The following HSD17B4 variants were observed in gnomAD, a reference collection of about 807,000 sequenced individuals.
The protein encoded by HSD17B4 is peroxisomal multifunctional enzyme type 2.
HSD17B4 carries 70 observed loss-of-function variants against 101.0 expected under a neutral mutation model. The observed-to-expected ratio is 0.69, with a 90% CI of 0.57 to 0.85. The LOEUF is 0.85. Ranked by LOEUF, HSD17B4 falls within the 40% of genes least tolerant of loss-of-function variation. The pLI is 0.00. For synonymous variants in HSD17B4, 347 were observed against 297.1 expected (o/e 1.17, Z -1.73); for missense variants, 984 against 892.4 (o/e 1.10, Z -1.31).
intron 17 of HSD17B4, among the ~76,000 whole-genome samples, chr5:119,516,187 T>C (rs1752599299): frequency 2.0e-5 from 3 of 152,200 alleles, no homozygotes; most frequent in African/African-American, 4.8e-5. Flanking sequence ...TTCTTGCTTT[T>C]AAATATTTTT....
At chr5:119,458,303 A>G (rs949331861) in intron 2 of HSD17B4, among the ~76,000 whole-genome samples, 3 of 151,534 alleles carry the variant, frequency 2.0e-5, no homozygotes, top group Non-Finnish European at 4.4e-5. Context: ...TTTTACATGT[A>G]CACCATAGAC....
At chr5:119,504,177 A>G (rs1363699464) in intron 14 of HSD17B4, among the ~76,000 whole-genome samples, 1 of 151,898 alleles carries the variant, frequency 6.6e-6, no homozygotes, top group Non-Finnish European at 1.5e-5. Context: ...TATCCATTTC[A>G]CCATTGATGG....
chr5:119,460,119 C>A (rs1482019952), intron 2 of HSD17B4, among the ~76,000 whole-genome samples: 1 of 151,464 alleles, frequency 6.6e-6, no homozygotes, highest in Non-Finnish European at 1.5e-5. Flanking sequence ...TCGTGATCCG[C>A]CCGCCTCGGC....
chr5:119,497,623 T>C (rs532441366), intron 12 of HSD17B4, among the ~76,000 whole-genome samples: 1 of 152,308 alleles, frequency 6.6e-6, no homozygotes, highest in South Asian at 2.1e-4. Flanking sequence ...TTTAAACCTC[T>C]ATGTTGAAAG....
At chr5:119,483,096 T>C (rs919410149) in intron 8 of HSD17B4, among the ~76,000 whole-genome samples, 1 of 152,038 alleles carries the variant, frequency 6.6e-6, no homozygotes, top group Non-Finnish European at 1.5e-5. Flanking sequence ...GTCCAAAGCA[T>C]GAGGGGATTT....
chr5:119,469,511 G>A (rs562942341), intron 2 of HSD17B4, among the ~76,000 whole-genome samples: 8 of 151,980 alleles, frequency 5.3e-5, no homozygotes, highest in Admixed American at 2.0e-4. Flanking sequence ...CCACCACCAC[G>A]CCTGGCTAAT....
rs1749964908 is a variant in HSD17B4, at chr5:119,490,074, A to T, written c.714+791A>T. Among the ~76,000 whole-genome samples, 5 of 152,082 alleles carry T rather than the reference A, an allele frequency of 3.3e-5. No individual in the cohort carries two copies. In the South Asian group the frequency reaches 1.0e-3, roughly 31 times the overall value. On this transcript the variant is annotated intron_variant, in intron 9 of 23. Transcript: ENST00000510025. ...TGGTAATAATGAACCTGTTGTATACAGAACCTGTTGTAAACCTGGCTCAAT... is the reference window on the plus strand; with the variant it reads ...TGGTAATAATGAACCTGTTGTATACTGAACCTGTTGTAAACCTGGCTCAAT...
chr5:119,484,941 A>G (rs1749480873), intron 8 of HSD17B4, among the ~76,000 whole-genome samples: 1 of 152,174 alleles, frequency 6.6e-6, no homozygotes, highest in Non-Finnish European at 1.5e-5. Flanking sequence ...GAAGAATCAT[A>G]TTATGTGAAA....
intron 14 of HSD17B4, among the ~76,000 whole-genome samples, chr5:119,504,196 A>G (rs1056795826): frequency 1.3e-5 from 2 of 152,026 alleles, no homozygotes; most frequent in Non-Finnish European, 2.9e-5. Context: ...GGGCACCTAG[A>G]TTGATTCCAT....
intron 1 of HSD17B4, 120 bp from the exon 2 acceptor site, chr5:119,456,195 G>T: frequency 1.4e-6 from 1 of 738,942 alleles, no homozygotes. Context: ...GATAGGTTGA[G>T]AGTATCATTA....
Position 119,475,699 on chromosome 5 carries a change from A to G in HSD17B4, c.281-7A>G, listed in dbSNP as rs35201279. The G allele has an allele frequency of 3.2e-4, 506 of 1,586,734 alleles. 2 individuals are homozygous for G. The African/African-American group carries it at 6.0e-3, about 19-fold the overall frequency. Reference sequence around the variant, plus strand: ...TTAGATGTAACTTGTATCTTTTTATATTGTAGATGTTGTGGTCAACAATGC... The same window carrying G: ...TTAGATGTAACTTGTATCTTTTTATGTTGTAGATGTTGTGGTCAACAATGC... On this transcript the variant is annotated splice_polypyrimidine_tract_variant and splice_region_variant and intron_variant, in intron 4 of 23. Transcript: ENST00000510025.
intron 14 of HSD17B4, among the ~76,000 whole-genome samples, chr5:119,503,402 C>G (rs903420916): frequency 3.3e-5 from 5 of 151,934 alleles, no homozygotes; most frequent in African/African-American, 1.2e-4. Context: ...AGTTATATTT[C>G]TCATGAATTA....
chr5:119,497,347 T>A (rs1459186175), intron 12 of HSD17B4, among the ~76,000 whole-genome samples: 1 of 152,200 alleles, frequency 6.6e-6, no homozygotes, highest in Non-Finnish European at 1.5e-5. Context: ...ACCTCAACTG[T>A]TGATAAAATG....
chr5:119,531,341 A>G lies in HSD17B4; in HGVS notation c.1930A>G (p.Lys644Glu), dbSNP rs1456546499. ...RLKDIGPEVVKKVNAVFEWHI... is the reference protein window; with the variant it reads ...RLKDIGPEVVEKVNAVFEWHI... ...AAAGGATATTGGGCCTGAGGTGGTG[A>G]AGAAAGTAAATGCTGTATTTGAGTG... The change falls in exon 22 of 24, where the codon AAG becomes GAG. Residue 644 changes from lysine to glutamate, a missense_variant. Coordinates refer to ENST00000510025, the MANE Select transcript of HSD17B4 (RefSeq NM_000414.4). The G allele has an allele frequency of 1.9e-6, 3 of 1,613,604 alleles. No homozygotes were observed. The highest frequency in any genetic ancestry group is 2.7e-5 in the African/African-American group (2 of 74,886).
chr5:119,515,740 C>T (rs1752552693), intron 17 of HSD17B4, among the ~76,000 whole-genome samples: 1 of 152,094 alleles, frequency 6.6e-6, no homozygotes, highest in African/African-American at 2.4e-5. Context: ...AGCATAAAAT[C>T]CTTAAACCTC....
At chr5:119,476,400 AT>A (rs998004061) in intron 6 of HSD17B4, 89 of 180,944 alleles carry the variant, frequency 4.9e-4, no homozygotes, top group Non-Finnish European at 8.7e-4. Flanking sequence ...ACAGTTAAGA[AT>A]TTTTTTTTTC....
In HSD17B4 at chr5:119,493,875, CTGAGGCAGT is replaced by C. The variant is rs775536181; in HGVS notation, c.798_806del (p.Glu267_Val269del). ...AGACAAAAGAATCACCCAATGACTC[CTGAGGCAGT>C]CAAGGCTAACTGGAAGAAGATCTGT... On this transcript the variant is annotated inframe_deletion, in exon 11 of 24. Transcript: ENST00000510025. 1.2e-6 allele frequency: 2 copies of C among 1,613,106 alleles called. No homozygotes were observed. Among genetic ancestry groups the C allele is most frequent in the South Asian group, 2.2e-5 (2 of 91,060 alleles).
Position 119,491,960 on chromosome 5 carries a change from T to A in HSD17B4, c.715-140T>A, listed in dbSNP as rs1040907322. On this transcript the variant is annotated intron_variant, in intron 9 of 23. Coordinates refer to ENST00000510025, the MANE Select transcript of HSD17B4 (RefSeq NM_000414.4). ...AAAGTCATGGGGGCCAGTGGACTCT[T>A]ACAGAGCTGTATTATTTTCATCTCC... 6 of 766,332 alleles carry A rather than the reference T, an allele frequency of 7.8e-6. No individual in the cohort carries two copies. In the East Asian group the frequency reaches 1.5e-4, roughly 19 times the overall value. 47.5% of individuals were successfully genotyped at this position (766,332 alleles called of 1,614,324 possible). A position where few individuals can be genotyped will look rare whatever the true frequency, so the allele number is the denominator to read the frequency against.
chr5:119,534,476 A>C (rs1754377088), intron 22 of HSD17B4, among the ~76,000 whole-genome samples: 1 of 152,042 alleles, frequency 6.6e-6, no homozygotes, highest in South Asian at 2.1e-4. Flanking sequence ...AGTATGTAAG[A>C]ATGTACAGAG....
Sources: gnomAD v4.1 joint callset for allele counts (sites outside exome capture counted in the v4.1 genomes callset) on GRCh38, gnomAD v4.1.1 for gene constraint, MANE v1.5 for transcripts, NCBI Gene and HGNC (gene_info 2026-07-23, HGNC 2026-07-21) for gene names.